The following WDR1 variants were observed in gnomAD, a reference collection of about 807,000 sequenced individuals.
WDR1 encodes the protein WD repeat-containing protein 1.
Under a neutral mutation model 71.9 loss-of-function variants are expected in WDR1, and 21 were observed. The ratio of observed to expected loss-of-function variants is 0.29; its 90% CI spans 0.21 to 0.42. WDR1 has a LOEUF of 0.42. WDR1 is among the 10% of genes least tolerant of loss of function. WDR1 has a pLI of 1.00. For synonymous variants in WDR1, 424 were observed against 347.4 expected (o/e 1.22, Z -2.45); for missense variants, 696 against 824.5 (o/e 0.84, Z 1.91).
At chr4:10,115,201 C>A (rs773579355) in intron 2 of WDR1, among the ~76,000 whole-genome samples, 27 of 152,358 alleles carry the variant, frequency 1.8e-4, no homozygotes, top group Non-Finnish European at 3.2e-4. Flanking sequence ...CCTCCAACTC[C>A]CACCCCACCA....
At chr4:10,088,566 G>T (rs769366539) in intron 6 of WDR1, 98 bp downstream of exon 6, 9 of 1,210,620 alleles carry the variant, frequency 7.4e-6, no homozygotes, top group South Asian at 6.5e-5. Context: ...TCTAAGTTCT[G>T]CATGTCAGGA....
intron 12 of WDR1, 119 bp downstream of exon 12, chr4:10,078,772 A>C: frequency 8.8e-6 from 7 of 796,286 alleles, no homozygotes; most frequent in Admixed American, 5.7e-5. Flanking sequence ...GACTGCCCCC[A>C]TCCTTCCCCT....
chr4:10,081,877 A>C (rs1306620100), intron 10 of WDR1, among the ~76,000 whole-genome samples: 1 of 152,196 alleles, frequency 6.6e-6, no homozygotes, highest in Non-Finnish European at 1.5e-5. Context: ...GGTGAAAATC[A>C]TGTTATTTTT....
At chr4:10,103,782 A>ACCCCCCCCCCCCCCCCCCCCCCCCT (rs1362584970) in intron 3 of WDR1, 114 bp downstream of exon 3, 1 of 78,744 alleles carries the variant, frequency 1.3e-5, no homozygotes, top group Non-Finnish European at 2.6e-5. Context: ...CTGCTCCCCC[A>ACCCCCCCCCCCCCCCCCCCCCCCCT]CCCCCCACCT....
chr4:10,081,702 G>A (rs186047534), intron 10 of WDR1, among the ~76,000 whole-genome samples: 16 of 150,924 alleles, frequency 1.1e-4, no homozygotes, highest in Middle Eastern at 3.4e-3. Context: ...GGTGAAAGGC[G>A]TTGATTATGC....
intron 2 of WDR1, chr4:10,115,650 A>T (rs1487664466): frequency 1.3e-5 from 2 of 153,822 alleles, no homozygotes; most frequent in Non-Finnish European, 2.9e-5. Context: ...AGTGGTCATC[A>T]TCTCATCATC....
rs532118137 is a variant in WDR1 at position 10,075,212 on chromosome 4, C to T, written c.*166G>A. The T allele has an allele frequency of 4.3e-5, 26 of 609,784 alleles. No individual in the cohort carries two copies. The highest frequency in any genetic ancestry group is 4.3e-4 in the Middle Eastern group (1 of 2,324). The allele number at this position is 609,784 out of a possible 1,614,324, so 37.8% of individuals were successfully genotyped here. A position where few individuals can be genotyped will look rare whatever the true frequency, so the allele number is the denominator to read the frequency against. ...TTACTGTCTAAAGCTTTCAGAAGAA[C>T]GTGTACAGACACCCTGCAGAGACGA... is the stretch of plus-strand genomic sequence containing the variant. On this transcript the variant is annotated 3_prime_UTR_variant, in exon 15 of 15. Coordinates refer to ENST00000499869, the MANE Select transcript of WDR1 (RefSeq NM_017491.5).
Position 10,081,419 on chromosome 4 carries a change from C to T in WDR1, c.1222G>A (p.Val408Ile), listed in dbSNP as rs370326840. Residue 408 changes from valine (V) to isoleucine (I), a missense_variant, in exon 11 of 15, where the codon GTT becomes ATT. Coordinates refer to ENST00000499869, the MANE Select transcript of WDR1 (RefSeq NM_017491.5). ...YSGQGVVKLD[V>I]QPKCVAVGPG... ...CCGACGGCTACGCACTTTGGCTGAA[C>T]GTCCAGTTTCACAACTCCTTGTCCG... 27 of 1,613,802 alleles carry T rather than the reference C, an allele frequency of 1.7e-5. No homozygotes were observed. The highest frequency in any genetic ancestry group is 4.4e-5 in the South Asian group (4 of 91,082).
chr4:10,084,672 C>CA, intron 8 of WDR1, 142 bp from the exon 9 acceptor site: 2 of 742,000 alleles, frequency 2.7e-6, no homozygotes, highest in Non-Finnish European at 4.6e-6. Context: ...TCTGAGGCCC[C>CA]AGTAGCCCCA....
chr4:10,116,007 C>A (rs536295893), intron 2 of WDR1, 106 bp downstream of exon 2: 2 of 1,465,900 alleles, frequency 1.4e-6, no homozygotes, highest in Admixed American at 4.3e-5. Context: ...GCGCCCTCAC[C>A]CTCCCCGGGC....
intron 1 of WDR1, 137 bp from the exon 2 acceptor site, chr4:10,116,371 G>A: frequency 7.5e-7 from 1 of 1,333,284 alleles, no homozygotes; most frequent in Non-Finnish European, 1.0e-6. Flanking sequence ...CTTTCCACGA[G>A]CGCCAGGAAC....
chr4:10,112,876 T>C (rs62288546), intron 2 of WDR1, among the ~76,000 whole-genome samples: 26,143 of 152,288 alleles, frequency 0.17, 2,791 homozygotes, highest in Middle Eastern at 0.26. Context: ...AAAGCCCTGC[T>C]GGCCTGGAGC....
chr4:10,116,221 G>A lies in WDR1; in HGVS notation c.30C>T (p.Ala10=). The change falls in exon 2 of 15, where the codon GCC becomes GCT. Residue 10 remains alanine, a synonymous_variant. Coordinates refer to ENST00000499869, the MANE Select transcript of WDR1 (RefSeq NM_017491.5). ...CGCCCCTCTCCACCTGCGGGAGGCT[G>A]GCGAACACCTTCTCTGCGGAGACAC... The part of the protein sequence containing the change: MPYEIKKVF[A]SLPQVERGVS... The A allele has an allele frequency of 6.2e-7, 1 of 1,613,598 alleles. No individual in the cohort carries two copies. Among genetic ancestry groups the A allele is most frequent in the Non-Finnish European group, 8.5e-7 (1 of 1,179,804 alleles).
Position 10,075,227 on chromosome 4 carries a change from T to C in WDR1, c.*151A>G. 3.1e-6 allele frequency: 2 copies of C among 651,678 alleles called. No individual in the cohort carries two copies. Among genetic ancestry groups the C allele is most frequent in the Non-Finnish European group, 5.5e-6 (2 of 366,026 alleles). The allele number at this position is 651,678 out of a possible 1,614,324, so 40.4% of individuals were successfully genotyped here. ...TTCAGAAGAACGTGTACAGACACCC[T>C]GCAGAGACGAGGGTCATGACTGGGC... On this transcript the variant is annotated 3_prime_UTR_variant, in exon 15 of 15. Transcript: ENST00000499869.
chr4:10,112,170 C>T (rs1451787587), intron 2 of WDR1, among the ~76,000 whole-genome samples: 2 of 152,078 alleles, frequency 1.3e-5, no homozygotes, highest in South Asian at 2.1e-4. Context: ...CAAACAGGTT[C>T]GTTCACAGCC....
chr4:10,083,942 C>T (rs1180700035), intron 9 of WDR1, among the ~76,000 whole-genome samples: 3 of 152,250 alleles, frequency 2.0e-5, no homozygotes, highest in Non-Finnish European at 2.9e-5. Context: ...GAGCTCCAGC[C>T]CTGGCTCTGT....
chr4:10,116,757 G>C lies in WDR1; in HGVS notation c.-91C>G. On this transcript the variant is annotated 5_prime_UTR_variant, in exon 1 of 15. Coordinates refer to ENST00000499869, the MANE Select transcript of WDR1 (RefSeq NM_017491.5). ...ACACCTCGCCGAGGCCGAGCCCGGG[G>C]ACTGGAGCCGGAAGGCGGCACCGGG... is the stretch of plus-strand genomic sequence containing the variant. The C allele has an allele frequency of 8.1e-7, 1 of 1,237,080 alleles. No individual in the cohort carries two copies. Among genetic ancestry groups the C allele is most frequent in the East Asian group, 3.4e-5 (1 of 29,832 alleles). 76.6% of individuals were successfully genotyped at this position (1,237,080 alleles called of 1,614,324 possible).
Position 10,080,606 on chromosome 4 carries a change from G to A in WDR1, c.1284+751C>T, listed in dbSNP as rs543148470. 2.6e-4 allele frequency among the ~76,000 whole-genome samples: 39 copies of A among 152,372 alleles called. 1 individual carries two copies. The highest frequency in any genetic ancestry group is 2.0e-3 in the Admixed American group (30 of 15,314). On this transcript the variant is annotated intron_variant, in intron 11 of 14. Transcript: ENST00000499869. ...CTTTCTTTAGCAGGGCTCGCCACTC[G>A]TGCCAACAGGTGCCCCTTGACTTCC...
At chr4:10,105,239 T>A (rs1461475699) in intron 2 of WDR1, among the ~76,000 whole-genome samples, 1 of 152,182 alleles carries the variant, frequency 6.6e-6, no homozygotes, top group Admixed American at 6.5e-5. Context: ...ACACACATCA[T>A]AGTCCCTAGC....
Sources: gnomAD v4.1 joint callset for allele counts (sites outside exome capture counted in the v4.1 genomes callset) on GRCh38, gnomAD v4.1.1 for gene constraint, MANE v1.5 for transcripts, NCBI Gene and HGNC (gene_info 2026-07-23, HGNC 2026-07-21) for gene names.